OPTN: variants seen among roughly 807,000 people sequenced by gnomAD.
OPTN encodes E3-14.7K-interacting protein.
In OPTN, 54 loss-of-function variants were observed where a neutral mutation model predicts 70.4. That is an observed-to-expected ratio of 0.77 (90% confidence interval 0.62 to 0.96). The LOEUF (loss-of-function observed/expected upper bound fraction) is 0.96. OPTN is among the 40% of genes least tolerant of loss of function. The pLI, the probability that OPTN is intolerant of heterozygous loss-of-function variation, is 0.00. For missense variants in OPTN, 624 were observed against 673.2 expected (o/e 0.93, Z 0.81); for synonymous variants, 256 against 248.5 (o/e 1.03, Z -0.28).
chr10:13,136,176 G>C (rs1192062446), intron 14 of OPTN, among the ~76,000 whole-genome samples: 3 of 151,298 alleles, frequency 2.0e-5, no homozygotes, highest in African/African-American at 7.3e-5. Context: ...GAAAGAGCGA[G>C]ACTCCATCTG....
chr10:13,114,729 A>ATT (rs1833084369), intron 5 of OPTN, among the ~76,000 whole-genome samples: 1 of 126,424 alleles, frequency 7.9e-6, no homozygotes, highest in Admixed American at 9.2e-5. Flanking sequence ...TATAATATAT[A>ATT]ATGTAGAATA....
At chr10:13,101,374 A>G (rs1366544478) in intron 1 of OPTN, among the ~76,000 whole-genome samples, 1 of 151,974 alleles carries the variant, frequency 6.6e-6, no homozygotes, top group African/African-American at 2.4e-5. Context: ...TGCTAGGAAT[A>G]TAACTAACCT....
chr10:13,109,384 C>A (rs1832944066), intron 3 of OPTN, 96 bp downstream of exon 3: 2 of 1,270,168 alleles, frequency 1.6e-6, no homozygotes, highest in African/African-American at 1.5e-5. Context: ...TCCCTTCTCC[C>A]CGTTTCCATA....
chr10:13,101,711 T>G (rs1467477552), intron 1 of OPTN, among the ~76,000 whole-genome samples: 1 of 152,230 alleles, frequency 6.6e-6, no homozygotes, highest in East Asian at 1.9e-4. Flanking sequence ...AGAATCTGTG[T>G]TATGAAGTGA....
chr10:13,125,151 G>A, intron 9 of OPTN, among the ~76,000 whole-genome samples: 1 of 152,136 alleles, frequency 6.6e-6, no homozygotes. Flanking sequence ...TACTAAAAAT[G>A]TATCTGTATG....
intron 12 of OPTN, among the ~76,000 whole-genome samples, chr10:13,128,212 T>G (rs1022499842): frequency 9.9e-5 from 15 of 152,030 alleles, no homozygotes; most frequent in Non-Finnish European, 2.2e-4. Context: ...CACCTAGGAG[T>G]GGAGTCGCTG....
chr10:13,123,854 T>G, intron 8 of OPTN, 141 bp from the exon 9 acceptor site: 1 of 685,914 alleles, frequency 1.5e-6, no homozygotes. Flanking sequence ...CTACACAATG[T>G]TTGGGGTATT....
chr10:13,100,780 A>G (rs7072752), intron 1 of OPTN, among the ~76,000 whole-genome samples: 85,908 of 152,074 alleles, frequency 0.56, 25,248 homozygotes, highest in Non-Finnish European at 0.66. Flanking sequence ...TGTACACTCT[A>G]TATAGAGAGA....
In OPTN at chr10:13,114,822, T is replaced by TA. The variant is rs1564358889; in HGVS notation, c.553-1445_553-1444insA. On this transcript the variant is annotated intron_variant, in intron 5 of 14. Transcript: ENST00000378747. ...TATATACATATATATAATTATATAA[T>TA]TATATAATTATATAATTATATAATT... Among the ~76,000 whole-genome samples the TA allele has an allele frequency of 1.6e-4, 17 of 105,658 alleles. 2 individuals carry two copies. Among genetic ancestry groups the TA allele is most frequent in the African/African-American group, 5.5e-4 (15 of 27,050 alleles). The allele number at this position is 105,658 out of a possible 152,430, so 69.3% of individuals were successfully genotyped here.
chr10:13,133,457 G>T lies in OPTN; in HGVS notation c.1533-45G>T. 3.3e-6 allele frequency: 5 copies of T among 1,518,704 alleles called. No homozygotes were observed. In the Admixed American group the frequency reaches 6.7e-5, roughly 20 times the overall value. 94.1% of individuals were successfully genotyped at this position (1,518,704 alleles called of 1,614,324 possible). ...TGTCTGCTCAGTGTTGTCATGTTTC[G>T]GGGTTGTAGAACATCACACAGCGTG... On this transcript the variant is annotated intron_variant, in intron 13 of 14. Transcript: ENST00000378747.
rs574228863 is a variant in OPTN, at chr10:13,127,383, G to A, written c.1243-362G>A. ...CAAGTGGCAAAATAACAGTATCAACGAGTCACAGCCTTATTAACATTGGAG... is the reference window on the plus strand; with the variant it reads ...CAAGTGGCAAAATAACAGTATCAACAAGTCACAGCCTTATTAACATTGGAG... On this transcript the variant is annotated intron_variant, in intron 11 of 14. Coordinates refer to ENST00000378747, the MANE Select transcript of OPTN (RefSeq NM_001008212.2). Among the ~76,000 whole-genome samples, 142 of 152,290 alleles carry A rather than the reference G, an allele frequency of 9.3e-4. 3 individuals carry two copies. Among genetic ancestry groups the A allele is most frequent in the South Asian group, 4.1e-4 (2 of 4,828 alleles).
chr10:13,103,753 C>G (rs1392346237), intron 1 of OPTN, among the ~76,000 whole-genome samples: 3 of 151,574 alleles, frequency 2.0e-5, no homozygotes, highest in East Asian at 3.9e-4. Context: ...CACACACACA[C>G]ACACACACAC....
chr10:13,111,558 C>A (rs990957302), intron 4 of OPTN, among the ~76,000 whole-genome samples: 1 of 151,860 alleles, frequency 6.6e-6, no homozygotes, highest in Non-Finnish European at 1.5e-5. Flanking sequence ...ATTAGCCAGG[C>A]ATGGTAGTGC....
chr10:13,120,107 C>T (rs1051074099), intron 7 of OPTN, among the ~76,000 whole-genome samples: 9 of 151,332 alleles, frequency 5.9e-5, no homozygotes, highest in Non-Finnish European at 1.0e-4. Context: ...CTCAGTCTCC[C>T]GAGTAGCCGG....
Position 13,137,827 on chromosome 10 carries a change from C to T in OPTN, c.*961C>T. On this transcript the variant is annotated 3_prime_UTR_variant, in exon 15 of 15. Transcript: ENST00000378747. ...ACCCATTCACAGTGTAAAGAAGTTA[C>T]CTTCATGCTTTCATTGTACCTGCAG... is the stretch of plus-strand genomic sequence containing the variant. The T allele has an allele frequency of 4.4e-6, 1 of 227,388 alleles. No individual in the cohort carries two copies. Among genetic ancestry groups the T allele is most frequent in the Non-Finnish European group, 8.7e-6 (1 of 114,504 alleles). The allele number at this position is 227,388 out of a possible 1,614,324, so 14.1% of individuals were successfully genotyped here.
chr10:13,136,235 C>T (rs987486241), intron 14 of OPTN, among the ~76,000 whole-genome samples: 13 of 151,968 alleles, frequency 8.6e-5, no homozygotes, highest in African/African-American at 2.9e-4. Context: ...ACAGGCCAGG[C>T]GCAGTGGCTC....
rs1178080754 is a variant in OPTN at position 13,130,424 on chromosome 10, C to CAAAA, written c.1402-1617_1402-1614dup. ...TGGGCGACAGAGCGAGACTCTATCT[C>CAAAA]AAAAAAAAAAAAAAAAAAAAAAAAA... On this transcript the variant is annotated intron_variant, in intron 12 of 14. Coordinates refer to ENST00000378747, the MANE Select transcript of OPTN (RefSeq NM_001008212.2). Among the ~76,000 whole-genome samples, 35 of 51,756 alleles carry CAAAA rather than the reference C, an allele frequency of 6.8e-4. 3 individuals carry two copies. Among genetic ancestry groups the CAAAA allele is most frequent in the Non-Finnish European group, 8.6e-4 (26 of 30,328 alleles). 34.0% of individuals were successfully genotyped at this position (51,756 alleles called of 152,430 possible).
rs1330292256 is a variant in OPTN at position 13,137,173 on chromosome 10, C to T, written c.*307C>T. Reference sequence around the variant, plus strand: ...GCATGCCTGTAGTCGCAGCTACTCGCGAGGTTGAGGCAGGAGAATTGCTTG... The same window carrying T: ...GCATGCCTGTAGTCGCAGCTACTCGTGAGGTTGAGGCAGGAGAATTGCTTG... On this transcript the variant is annotated 3_prime_UTR_variant, in exon 15 of 15. Coordinates refer to ENST00000378747, the MANE Select transcript of OPTN (RefSeq NM_001008212.2). 7 of 428,162 alleles carry T rather than the reference C, an allele frequency of 1.6e-5. No individual in the cohort carries two copies. Among genetic ancestry groups the T allele is most frequent in the East Asian group, 8.5e-5 (2 of 23,430 alleles). The allele number at this position is 428,162 out of a possible 1,614,324, so 26.5% of individuals were successfully genotyped here.
intron 7 of OPTN, among the ~76,000 whole-genome samples, chr10:13,121,394 T>C (rs566108277): frequency 6.3e-4 from 95 of 151,530 alleles, no homozygotes; most frequent in South Asian, 4.4e-3. Context: ...CCCAAATGAT[T>C]TGGGGAGAAT....
Sources: allele counts gnomAD v4.1 joint callset (sites outside exome capture counted in the v4.1 genomes callset), GRCh38; gene constraint gnomAD v4.1.1; transcripts MANE v1.5; gene names NCBI Gene and HGNC (gene_info 2026-07-23, HGNC 2026-07-21).